Variants in ATP10B observed in about 807,000 individuals in gnomAD.
The protein encoded by ATP10B is ATPase phospholipid transporting 10B (putative), also known as phospholipid-transporting ATPase VB.
In ATP10B, 122 loss-of-function variants were observed where a neutral mutation model predicts 141.2. The ratio of observed to expected loss-of-function variants is 0.86; its 90% CI spans 0.75 to 1.00. ATP10B has a LOEUF of 1.00. Among genes scored for constraint, ATP10B ranks in the 50% least tolerant of loss-of-function variants. ATP10B has a pLI of 0.00. For synonymous variants in ATP10B, 685 were observed against 692.0 expected (o/e 0.99, Z 0.16); for missense variants, 1,876 against 1,825.3 (o/e 1.03, Z -0.51).
At chr5:160,897,637 G>T in the ATP10B span, among the ~76,000 whole-genome samples, 3 of 152,158 alleles carry the variant, frequency 2.0e-5, no homozygotes, top group South Asian at 6.2e-4. Flanking sequence ...TAGATTCAAT[G>T]CTATTCCCAT....
chr5:160,918,623 A>C, the ATP10B span, among the ~76,000 whole-genome samples: 1 of 152,136 alleles, frequency 6.6e-6, no homozygotes, highest in African/African-American at 2.4e-5. Context: ...ACATTTTCTC[A>C]TTTCCCTTTC....
At chr5:160,847,491 C>T (rs2127991007) in intron 1 of ATP10B, among the ~76,000 whole-genome samples, 1 of 152,226 alleles carries the variant, frequency 6.6e-6, no homozygotes. Context: ...AGAACTGTCC[C>T]CTGGATTACT....
At chr5:160,686,406 T>A (rs1441563298) in intron 5 of ATP10B, 133 bp from the exon 6 acceptor site, 1 of 633,808 alleles carries the variant, frequency 1.6e-6, no homozygotes, top group Admixed American at 3.5e-5. Flanking sequence ...ATTATGGTAA[T>A]GGATTTGAAG....
chr5:160,786,791 G>T (rs1771186614), intron 1 of ATP10B, among the ~76,000 whole-genome samples: 1 of 152,028 alleles, frequency 6.6e-6, no homozygotes, highest in Admixed American at 6.6e-5. Flanking sequence ...GGCCACGGTA[G>T]GTGCTTTAGA....
chr5:160,727,633 G>T (rs1161755636), intron 2 of ATP10B, among the ~76,000 whole-genome samples: 2 of 151,926 alleles, frequency 1.3e-5, no homozygotes, highest in Non-Finnish European at 2.9e-5. Flanking sequence ...TGGGTCCCAC[G>T]GTATCAGCTC....
the ATP10B span, among the ~76,000 whole-genome samples, chr5:160,902,378 G>A: frequency 6.6e-6 from 1 of 152,128 alleles, no homozygotes; most frequent in South Asian, 2.1e-4. Context: ...TTTGCTATAT[G>A]ACCTTAAAGA....
At chr5:160,739,652 C>T (rs1230908992) in intron 2 of ATP10B, among the ~76,000 whole-genome samples, 3 of 152,146 alleles carry the variant, frequency 2.0e-5, no homozygotes, top group African/African-American at 4.8e-5. Flanking sequence ...TCACAGAGAC[C>T]GTGCCCTGGA....
At chr5:160,838,638 C>G (rs2127984450) in intron 1 of ATP10B, among the ~76,000 whole-genome samples, 1 of 152,194 alleles carries the variant, frequency 6.6e-6, no homozygotes, top group East Asian at 1.9e-4. Flanking sequence ...TAGTAATGTA[C>G]ATACTTTGAG....
the ATP10B span, among the ~76,000 whole-genome samples, chr5:160,907,133 T>C: frequency 2.0e-5 from 3 of 152,304 alleles, no homozygotes; most frequent in Middle Eastern, 0.01. Context: ...TCGTTTTCTG[T>C]AATTCCTGCC....
intron 6 of ATP10B, among the ~76,000 whole-genome samples, chr5:160,684,621 A>G (rs530127312): frequency 3.9e-5 from 6 of 152,342 alleles, no homozygotes; most frequent in African/African-American, 1.4e-4. Flanking sequence ...AAAATGCTAC[A>G]TGATAAAGAC....
Position 160,755,824 on chromosome 5 carries a change from AAAAAAAAAAAAAAAATATATATATATAT to A in ATP10B, c.-331+29707_-331+29734del, listed in dbSNP as rs1325902515. 4.5e-5 allele frequency among the ~76,000 whole-genome samples: 3 copies of A among 66,124 alleles called. No individual in the cohort carries two copies. The Admixed American group carries it at 7.1e-4, about 16-fold the overall frequency. 43.4% of individuals were successfully genotyped at this position (66,124 alleles called of 152,430 possible). A position where few individuals can be genotyped will look rare whatever the true frequency, so the allele number is the denominator to read the frequency against. Reference sequence around the variant, plus strand: ...AGCGAGACTCCGTCTCAAAAAAAAAAAAAAAAAAAAAAAAATATATATATATATATATATATATATATATATATATATA... The same window carrying A: ...AGCGAGACTCCGTCTCAAAAAAAAAAATATATATATATATATATATATATA... On this transcript the variant is annotated intron_variant, in intron 2 of 25. Coordinates refer to ENST00000327245, the MANE Select transcript of ATP10B (RefSeq NM_025153.3).
At chr5:160,910,431 G>A in the ATP10B span, among the ~76,000 whole-genome samples, 12 of 152,132 alleles carry the variant, frequency 7.9e-5, no homozygotes, top group South Asian at 2.1e-4. Flanking sequence ...TGTCAATTTC[G>A]TTTAACGCTC....
intron 1 of ATP10B, among the ~76,000 whole-genome samples, chr5:160,789,820 C>T (rs552212989): frequency 6.6e-6 from 1 of 152,158 alleles, no homozygotes; most frequent in African/African-American, 2.4e-5. Context: ...GCAATATAGC[C>T]CAGCAGGGGG....
the ATP10B span, among the ~76,000 whole-genome samples, chr5:160,887,166 G>A: frequency 3.3e-5 from 5 of 152,132 alleles, no homozygotes; most frequent in South Asian, 1.0e-3. Context: ...GTGGAGGATT[G>A]GTCCTAGGAC....
At chr5:160,907,103 A>G in the ATP10B span, among the ~76,000 whole-genome samples, 2 of 152,178 alleles carry the variant, frequency 1.3e-5, no homozygotes, top group East Asian at 3.8e-4. Context: ...CAGTTTGCCA[A>G]GGGGTTGGCA....
chr5:160,611,095 G>A (rs1231995127), intron 18 of ATP10B, among the ~76,000 whole-genome samples: 2 of 152,144 alleles, frequency 1.3e-5, no homozygotes, highest in East Asian at 3.8e-4. Flanking sequence ...TTCATCCCAG[G>A]TAAAGAGATG....
At chr5:160,769,223 G>C (rs559326309) in intron 2 of ATP10B, among the ~76,000 whole-genome samples, 12 of 152,274 alleles carry the variant, frequency 7.9e-5, no homozygotes, top group African/African-American at 2.9e-4. Flanking sequence ...TAGAGACCCA[G>C]CTCTCTTCCT....
chr5:160,782,312 T>C (rs2127884019), intron 2 of ATP10B, among the ~76,000 whole-genome samples: 1 of 152,290 alleles, frequency 6.6e-6, no homozygotes. Context: ...AAGTAAACAC[T>C]AAAACAAATC....
chr5:160,748,198 CTTCGT>C (rs1438939417), intron 2 of ATP10B, among the ~76,000 whole-genome samples: 1 of 152,060 alleles, frequency 6.6e-6, no homozygotes, highest in African/African-American at 2.4e-5. Flanking sequence ...TTGCCCAGGA[CTTCGT>C]GTGAATTGGC....
Sources: gnomAD v4.1 joint callset for allele counts (sites outside exome capture counted in the v4.1 genomes callset) on GRCh38, gnomAD v4.1.1 for gene constraint, MANE v1.5 for transcripts, NCBI Gene and HGNC (gene_info 2026-07-23, HGNC 2026-07-21) for gene names.